Variants in CAMK1D observed in about 807,000 individuals in gnomAD.
The protein encoded by CAMK1D is calcium/calmodulin-dependent protein kinase type 1D.
In CAMK1D, 9 loss-of-function variants were observed where a neutral mutation model predicts 47.7. That is an observed-to-expected ratio of 0.19 (90% CI 0.11 to 0.33). The LOEUF is 0.33. CAMK1D is among the 10% of genes least tolerant of loss of function. CAMK1D has a pLI of 1.00. For synonymous variants in CAMK1D, 184 were observed against 184.9 expected (o/e 0.99, Z 0.04); for missense variants, 291 against 488.7 (o/e 0.60, Z 3.81).
chr10:12,375,749 T>C (rs1274108645), intron 1 of CAMK1D, among the ~76,000 whole-genome samples: 2 of 152,194 alleles, frequency 1.3e-5, no homozygotes, highest in Non-Finnish European at 2.9e-5. Flanking sequence ...CACGGCTTGT[T>C]GTAGTCTTGA....
At chr10:12,737,050 G>A (rs1405537116) in intron 3 of CAMK1D, among the ~76,000 whole-genome samples, 3 of 152,152 alleles carry the variant, frequency 2.0e-5, no homozygotes, top group East Asian at 1.9e-4. Context: ...AGCTGCAGGG[G>A]AGGGCATGAA....
At chr10:12,506,800 G>T (rs1161791262) in intron 1 of CAMK1D, among the ~76,000 whole-genome samples, 2 of 152,104 alleles carry the variant, frequency 1.3e-5, no homozygotes, top group Non-Finnish European at 2.9e-5. Context: ...TTACAGGCGT[G>T]AGCCACCGCG....
chr10:12,398,471 C>T (rs1422299205), intron 1 of CAMK1D, among the ~76,000 whole-genome samples: 2 of 152,140 alleles, frequency 1.3e-5, no homozygotes, highest in African/African-American at 4.8e-5. Flanking sequence ...GCCTCAGACT[C>T]CTGAGTAGCT....
rs554106728 is a variant in CAMK1D at position 12,834,787 on chromosome 10, C to G, written c.*5900C>G. The G allele has an allele frequency of 1.0e-3, 157 of 152,222 alleles. No homozygotes were observed. The highest frequency in any genetic ancestry group is 3.5e-3 in the African/African-American group (146 of 41,538). 9.4% of individuals were successfully genotyped at this position (152,222 alleles called of 1,614,324 possible). A position where few individuals can be genotyped will look rare whatever the true frequency, so the allele number is the denominator to read the frequency against. On this transcript the variant is annotated 3_prime_UTR_variant, in exon 11 of 11. Coordinates refer to ENST00000619168, the MANE Select transcript of CAMK1D (RefSeq NM_153498.4). The stretch of plus-strand genomic sequence containing the variant: ...CCCAAACTCTAGTTAAATTGCTTCT[C>G]GGAGGAAAATCTTAATCTAGACAGA...
intron 1 of CAMK1D, among the ~76,000 whole-genome samples, chr10:12,358,954 G>A (rs1033354218): frequency 6.6e-6 from 1 of 152,152 alleles, no homozygotes; most frequent in African/African-American, 2.4e-5. Flanking sequence ...TTGCAAATAG[G>A]CAGGATGGTG....
chr10:12,787,132 A>AAAG (rs61193558), intron 5 of CAMK1D, among the ~76,000 whole-genome samples: 67 of 151,012 alleles, frequency 4.4e-4, no homozygotes, highest in African/African-American at 6.8e-4. Context: ...CAAAGAAAAA[A>AAAG]AAGAAGAAGA....
In CAMK1D at chr10:12,694,117, TATGCATAATATATATTATATATA is replaced by T. The variant is rs1833089563; in HGVS notation, c.299+27310_299+27332del. Among the ~76,000 whole-genome samples, 5 of 36,380 alleles carry T rather than the reference TATGCATAATATATATTATATATA, an allele frequency of 1.4e-4. 1 individual carries two copies. Among genetic ancestry groups the T allele is most frequent in the East Asian group, 2.8e-3 (2 of 718 alleles). The allele number at this position is 36,380 out of a possible 152,430, so 23.9% of individuals were successfully genotyped here. On this transcript the variant is annotated intron_variant, in intron 3 of 10. Coordinates refer to ENST00000619168, the MANE Select transcript of CAMK1D (RefSeq NM_153498.4). The stretch of plus-strand genomic sequence containing the variant: ...ATATTATATAATATATAATATATAT[TATGCATAATATATATTATATATA>T]ATATAATATATAATATATATTATGC...
intron 6 of CAMK1D, among the ~76,000 whole-genome samples, chr10:12,813,096 A>G (rs542127302): frequency 4.6e-4 from 70 of 152,324 alleles, no homozygotes; most frequent in African/African-American, 1.6e-3. Flanking sequence ...CTGTTGTCCC[A>G]CCAGAACTCT....
At chr10:12,691,354 T>C (rs1223352357) in intron 3 of CAMK1D, among the ~76,000 whole-genome samples, 2 of 6,902 alleles carry the variant, frequency 2.9e-4, no homozygotes, top group Non-Finnish European at 5.2e-4. Context: ...GTTTTCTATA[T>C]ATATATATAT....
At chr10:12,822,123 A>G (rs1228158015) in intron 8 of CAMK1D, among the ~76,000 whole-genome samples, 1 of 152,212 alleles carries the variant, frequency 6.6e-6, no homozygotes, top group Non-Finnish European at 1.5e-5. Flanking sequence ...TTTAGACTCC[A>G]TGCCTCTGGT....
chr10:12,796,868 T>A (rs548233448), intron 6 of CAMK1D, among the ~76,000 whole-genome samples: 266 of 152,296 alleles, frequency 1.7e-3, no homozygotes, highest in Non-Finnish European at 3.2e-3. Context: ...TCTTTGTGAA[T>A]TGATTCACAG....
intron 1 of CAMK1D, among the ~76,000 whole-genome samples, chr10:12,505,089 A>G (rs1259302217): frequency 6.6e-6 from 1 of 152,212 alleles, no homozygotes; most frequent in Non-Finnish European, 1.5e-5. Context: ...TCCTCCCTGT[A>G]TCGCTGTTTA....
intron 2 of CAMK1D, among the ~76,000 whole-genome samples, chr10:12,625,474 A>G (rs1233047348): frequency 6.7e-6 from 1 of 148,536 alleles, no homozygotes; most frequent in Non-Finnish European, 1.5e-5. Context: ...AGCTAGGACT[A>G]CAGGCATGCA....
At chr10:12,821,147 C>T (rs2131105867) in intron 8 of CAMK1D, among the ~76,000 whole-genome samples, 1 of 152,338 alleles carries the variant, frequency 6.6e-6, no homozygotes, top group African/African-American at 2.4e-5. Context: ...AGTCCGAAGG[C>T]AGACTGGAGA....
chr10:12,415,760 G>A (rs78620374), intron 1 of CAMK1D, among the ~76,000 whole-genome samples: 3 of 92,618 alleles, frequency 3.2e-5, no homozygotes, highest in African/African-American at 1.2e-4. Context: ...TTTTTTTTTT[G>A]TCTTCTTTTA....
At chr10:12,524,093 G>A (rs1835537403) in intron 1 of CAMK1D, among the ~76,000 whole-genome samples, 1 of 151,468 alleles carries the variant, frequency 6.6e-6, no homozygotes, top group Non-Finnish European at 1.5e-5. Context: ...AGGGTTTCAC[G>A]TTGTTAGCCA....
At chr10:12,376,364 G>A (rs543139691) in intron 1 of CAMK1D, among the ~76,000 whole-genome samples, 5 of 152,072 alleles carry the variant, frequency 3.3e-5, no homozygotes, top group Admixed American at 6.6e-5. Flanking sequence ...GTCAGAGGGC[G>A]GGGATTTGAA....
intron 1 of CAMK1D, among the ~76,000 whole-genome samples, chr10:12,468,694 C>T (rs899352150): frequency 6.6e-6 from 1 of 152,162 alleles, no homozygotes; most frequent in African/African-American, 2.4e-5. Context: ...ATGACCCTGC[C>T]CTCCAGCCCA....
At chr10:12,362,802 G>C (rs1837714252) in intron 1 of CAMK1D, among the ~76,000 whole-genome samples, 1 of 146,762 alleles carries the variant, frequency 6.8e-6, no homozygotes, top group Non-Finnish European at 1.5e-5. Context: ...CTGCCACCAC[G>C]CTGGGCTGAT....
Sources: gnomAD v4.1 joint callset for allele counts (sites outside exome capture counted in the v4.1 genomes callset) on GRCh38, gnomAD v4.1.1 for gene constraint, MANE v1.5 for transcripts, NCBI Gene and HGNC (gene_info 2026-07-23, HGNC 2026-07-21) for gene names.